Variants in CLHC1 observed in about 807,000 individuals in gnomAD.
CLHC1 encodes clathrin heavy chain linker domain-containing protein 1.
Under a neutral mutation model 69.5 loss-of-function variants are expected in CLHC1, and 72 were observed. The ratio of observed to expected loss-of-function variants is 1.04; its 90% CI spans 0.86 to 1.26. The LOEUF (loss-of-function observed/expected upper bound fraction) is 1.26, where lower values mean the gene tolerates loss of function less well. CLHC1 is among the 50% of genes most tolerant of loss of function. The pLI is 0.00. For synonymous variants in CLHC1, 223 were observed against 224.3 expected, an observed-to-expected ratio of 0.99 and a Z score of 0.05; for missense variants, 790 against 679.3, an observed-to-expected ratio of 1.16 and a Z score of -1.81.
intron 4 of CLHC1, 116 bp from the exon 5 acceptor site, chr2:55,212,922 A>G: frequency 1.3e-6 from 1 of 749,666 alleles, no homozygotes; most frequent in Non-Finnish European, 2.2e-6. Context: ...GGACTAGGTG[A>G]AATGCCCTGA....
intron 5 of CLHC1, 96 bp downstream of exon 5, chr2:55,212,577 T>C (rs1490908107): frequency 1.1e-6 from 1 of 939,070 alleles, no homozygotes; most frequent in East Asian, 2.4e-5. Flanking sequence ...ATGTGCAAGA[T>C]GCACATACAT....
At chr2:55,178,728 A>C (rs946098029) in intron 11 of CLHC1, among the ~76,000 whole-genome samples, 1 of 152,058 alleles carries the variant, frequency 6.6e-6, no homozygotes, top group Admixed American at 6.6e-5. Context: ...AATAGAGGTA[A>C]TTTTCAGAAT....
intron 2 of CLHC1, chr2:55,224,046 C>CCCAAAGTGCTGGGATCCTCGT (rs2104094403): frequency 6.4e-6 from 1 of 156,686 alleles, no homozygotes; most frequent in African/African-American, 2.4e-5. Context: ...CCATTCGCCT[C>CCCAAAGTGCTGGGATCCTCGT]GACCTCCCAA....
At chr2:55,197,466 C>G (rs1466455680) in intron 9 of CLHC1, among the ~76,000 whole-genome samples, 1 of 152,140 alleles carries the variant, frequency 6.6e-6, no homozygotes, top group Non-Finnish European at 1.5e-5. Flanking sequence ...TGCTTGTGTT[C>G]CACCCCTTCT....
intron 9 of CLHC1, among the ~76,000 whole-genome samples, chr2:55,191,258 T>TGCA (rs1383505799): frequency 6.6e-6 from 1 of 152,230 alleles, no homozygotes; most frequent in Non-Finnish European, 1.5e-5. Flanking sequence ...CATATGTTTT[T>TGCA]GCAGACGGAG....
intron 4 of CLHC1, among the ~76,000 whole-genome samples, chr2:55,216,582 C>T (rs1422617185): frequency 6.6e-6 from 1 of 151,888 alleles, no homozygotes; most frequent in African/African-American, 2.4e-5. Context: ...GTCACCCAGG[C>T]TGGAGTGCAG....
intron 1 of CLHC1, among the ~76,000 whole-genome samples, chr2:55,231,187 T>A (rs1027920805): frequency 1.3e-5 from 2 of 151,456 alleles, no homozygotes; most frequent in African/African-American, 4.9e-5. Context: ...GAGGCGGAGT[T>A]TACAGTGAGC....
intron 11 of CLHC1, among the ~76,000 whole-genome samples, chr2:55,178,552 T>A (rs1265140415): frequency 6.6e-6 from 1 of 152,152 alleles, no homozygotes; most frequent in Non-Finnish European, 1.5e-5. Context: ...ACCATAGGCA[T>A]AATGATTGTG....
In CLHC1 at chr2:55,208,608, A is replaced by G; in HGVS notation, c.899+18T>C. 1.3e-6 allele frequency: 2 copies of G among 1,495,530 alleles called. No individual in the cohort carries two copies. The highest frequency in any genetic ancestry group is 1.9e-6 in the Non-Finnish European group (2 of 1,076,336). The allele number at this position is 1,495,530 out of a possible 1,614,324, so 92.6% of individuals were successfully genotyped here. On this transcript the variant is annotated intron_variant, in intron 8 of 12. Transcript: ENST00000401408. ...AAAAAATATAATTCTGAAAAATTAA[A>G]GCTTTTAAAATATTTGCCTTTCAAT...
intron 5 of CLHC1, 83 bp downstream of exon 5, chr2:55,212,590 G>A: frequency 9.3e-7 from 1 of 1,079,644 alleles, no homozygotes; most frequent in Non-Finnish European, 1.4e-6. Flanking sequence ...ACATACATCA[G>A]CACATTTATA....
intron 8 of CLHC1, among the ~76,000 whole-genome samples, chr2:55,207,422 A>G (rs1463420465): frequency 2.6e-5 from 4 of 152,210 alleles, no homozygotes; most frequent in East Asian, 1.9e-4. Flanking sequence ...TTCAATCTCA[A>G]CAAGGGTTTT....
intron 9 of CLHC1, among the ~76,000 whole-genome samples, chr2:55,192,129 T>C (rs1670990399): frequency 6.6e-6 from 1 of 152,046 alleles, no homozygotes; most frequent in East Asian, 1.9e-4. Context: ...CTGTTGTTGT[T>C]GTTGTTTTGA....
chr2:55,189,773 G>A (rs1479756248), intron 9 of CLHC1, among the ~76,000 whole-genome samples: 1 of 152,184 alleles, frequency 6.6e-6, no homozygotes, highest in Non-Finnish European at 1.5e-5. Context: ...CCTAAGGCCA[G>A]GGAAAGAACT....
intron 2 of CLHC1, chr2:55,224,611 G>A (rs1674510460): frequency 1.2e-5 from 3 of 255,878 alleles, no homozygotes; most frequent in Admixed American, 4.8e-5. Context: ...GGGCCAGGGC[G>A]GGAGGAACCC....
At chr2:55,212,237 A>T (rs1258020388) in intron 5 of CLHC1, among the ~76,000 whole-genome samples, 1 of 152,204 alleles carries the variant, frequency 6.6e-6, no homozygotes. Context: ...AGATCACACC[A>T]CTGCACACCC....
intron 9 of CLHC1, among the ~76,000 whole-genome samples, chr2:55,203,611 CA>C (rs1240470059): frequency 6.6e-6 from 1 of 152,058 alleles, no homozygotes; most frequent in Non-Finnish European, 1.5e-5. Context: ...TATCCATATG[CA>C]GAAAAATGAA....
intron 9 of CLHC1, among the ~76,000 whole-genome samples, chr2:55,190,196 C>G (rs1195494944): frequency 1.3e-5 from 2 of 150,420 alleles, no homozygotes; most frequent in African/African-American, 2.5e-5. Context: ...AGGCGCCCAC[C>G]ACCACACCCG....
intron 12 of CLHC1, 50 bp from the exon 13 acceptor site, chr2:55,176,036 A>G: frequency 7.0e-7 from 1 of 1,433,302 alleles, no homozygotes; most frequent in Non-Finnish European, 9.7e-7. Flanking sequence ...TTGATAATCT[A>G]TACTTTAGTG....
intron 9 of CLHC1, among the ~76,000 whole-genome samples, chr2:55,183,166 G>A (rs1670081091): frequency 6.6e-6 from 1 of 152,126 alleles, no homozygotes; most frequent in Admixed American, 6.5e-5. Flanking sequence ...GCCTCAATAG[G>A]TTCTAGAGCC....
Sources: allele counts gnomAD v4.1 joint callset (sites outside exome capture counted in the v4.1 genomes callset), GRCh38; gene constraint gnomAD v4.1.1; transcripts MANE v1.5; gene names NCBI Gene and HGNC (gene_info 2026-07-23, HGNC 2026-07-21).